The following ALS2 variants were observed in gnomAD, a reference collection of about 807,000 sequenced individuals.
The protein encoded by ALS2 is alsin.
ALS2 carries 117 observed loss-of-function variants against 203.4 expected under a neutral mutation model. That is an observed-to-expected ratio of 0.58 (90% CI 0.50 to 0.67). The LOEUF is 0.67. Among genes scored for constraint, ALS2 ranks in the 30% least tolerant of loss-of-function variants. The pLI, the probability that ALS2 is intolerant of heterozygous loss-of-function variation, is 0.00. For synonymous variants in ALS2, 718 were observed against 725.9 expected (o/e 0.99, Z 0.17); for missense variants, 1,715 against 1,989.4 (o/e 0.86, Z 2.62).
chr2:201,731,939 C>T (rs1051161339), intron 13 of ALS2, among the ~76,000 whole-genome samples: 1 of 152,062 alleles, frequency 6.6e-6, no homozygotes, highest in Non-Finnish European at 1.5e-5. Flanking sequence ...GGGAGTGTTT[C>T]AGGAAGGAAA....
Position 201,704,591 on chromosome 2 carries a change from G to C in ALS2, c.4701C>G (p.Thr1567=), listed in dbSNP as rs565284119. 1.9e-6 allele frequency: 3 copies of C among 1,614,008 alleles called. No homozygotes were observed. The highest frequency in any genetic ancestry group is 1.3e-5 in the African/African-American group (1 of 74,988). ...ECLQQISTTF[T]PSDKLKVIQQ... is the part of the protein sequence containing the mutation. ...GGATGACCTTAAGTTTGTCTGATGGGGTAAATGTTGTGCTGTTACAGAAAC... is the reference window on the plus strand; with the variant it reads ...GGATGACCTTAAGTTTGTCTGATGGCGTAAATGTTGTGCTGTTACAGAAAC... Residue 1567 remains threonine (T), a synonymous_variant, in exon 32 of 34, where the codon ACC becomes ACG. Coordinates refer to ENST00000264276, the MANE Select transcript of ALS2 (RefSeq NM_020919.4).
intron 1 of ALS2, among the ~76,000 whole-genome samples, chr2:201,771,133 G>A (rs1014751150): frequency 3.5e-5 from 5 of 142,224 alleles, no homozygotes; most frequent in South Asian, 4.5e-4. Context: ...TGCAACCTCC[G>A]CCTCCCAGGT....
intron 23 of ALS2, chr2:201,722,162 A>C (rs1466801419): frequency 6.6e-6 from 1 of 152,208 alleles, no homozygotes; most frequent in Non-Finnish European, 1.5e-5. Context: ...CAAGAGTACA[A>C]ACAAAATTTT....
chr2:201,761,403 A>G lies in ALS2; in HGVS notation c.591T>C (p.His197=). 1 of 1,610,822 alleles carries G rather than the reference A, an allele frequency of 6.2e-7. No homozygotes were observed. The highest frequency in any genetic ancestry group is 1.3e-5 in the African/African-American group (1 of 74,956). The change falls in exon 4 of 34, where the codon CAT becomes CAC. Residue 197 remains histidine, a synonymous_variant. Coordinates refer to ENST00000264276, the MANE Select transcript of ALS2 (RefSeq NM_020919.4). ...FPVTKPQKVE[H]LAGRVVLQVA... ...CTTGAAGCACCACTCGCCCAGCAAG[A>G]TGTTCTACCTTTTGCGGCTTTGTCA...
rs760216233 is a variant in ALS2 at position 201,754,641 on chromosome 2, C to A, written c.1502G>T (p.Arg501Leu). ...VSPRLLRKAARVKTRTVVLTP... is the reference protein window; with the variant it reads ...VSPRLLRKAALVKTRTVVLTP... Reference sequence around the variant, plus strand: ...CAGAACCACTGTCCTCGTTTTCACCCGTGCAGCCTTTCTTAAGAGCCTGGG... The same window carrying A: ...CAGAACCACTGTCCTCGTTTTCACCAGTGCAGCCTTTCTTAAGAGCCTGGG... Residue 501 changes from arginine (R) to leucine (L), a missense_variant, in exon 6 of 34, where the codon CGG becomes CTG. Coordinates refer to ENST00000264276, the MANE Select transcript of ALS2 (RefSeq NM_020919.4). The A allele has an allele frequency of 6.2e-7, 1 of 1,614,018 alleles. No homozygotes were observed. The highest frequency in any genetic ancestry group is 2.2e-5 in the East Asian group (1 of 44,884).
intron 10 of ALS2, among the ~76,000 whole-genome samples, chr2:201,742,903 C>G (rs915016994): frequency 6.6e-6 from 1 of 151,946 alleles, no homozygotes; most frequent in Non-Finnish European, 1.5e-5. Context: ...AAAACCCCGT[C>G]TCTATTAAAA....
chr2:201,705,551 T>G (rs1296216837), intron 29 of ALS2, 90 bp from the exon 30 acceptor site: 1 of 969,130 alleles, frequency 1.0e-6, no homozygotes, highest in Non-Finnish European at 1.6e-6. Flanking sequence ...ATTGGCTTCC[T>G]TGTCCCCATT....
At chr2:201,758,768 G>GTT (rs1693568818) in intron 4 of ALS2, among the ~76,000 whole-genome samples, 1 of 151,766 alleles carries the variant, frequency 6.6e-6, no homozygotes, top group Non-Finnish European at 1.5e-5. Context: ...GCATGTGTGT[G>GTT]TGTGTGTGTG....
intron 3 of ALS2, among the ~76,000 whole-genome samples, chr2:201,764,682 T>TAAAA (rs1553515895): frequency 5.6e-5 from 8 of 142,426 alleles, no homozygotes; most frequent in Non-Finnish European, 9.2e-5. Context: ...AATAAATAAA[T>TAAAA]AAAAGTGAAT....
chr2:201,767,631 G>A (rs748731152), intron 2 of ALS2, among the ~76,000 whole-genome samples: 4 of 151,876 alleles, frequency 2.6e-5, no homozygotes, highest in Non-Finnish European at 5.9e-5. Context: ...GGGAGGCCGA[G>A]GCAGGCAGAT....
intron 33 of ALS2, among the ~76,000 whole-genome samples, chr2:201,702,807 G>A (rs1418592728): frequency 2.0e-5 from 3 of 152,234 alleles, no homozygotes; most frequent in East Asian, 3.9e-4. Context: ...CCCCTTTTCA[G>A]TTTATTTAAT....
intron 8 of ALS2, among the ~76,000 whole-genome samples, chr2:201,748,985 A>G (rs1375593343): frequency 6.6e-6 from 1 of 152,158 alleles, no homozygotes; most frequent in Non-Finnish European, 1.5e-5. Flanking sequence ...TCAGAATCCA[A>G]CTACATATCT....
At chr2:201,758,657 T>C (rs1015012361) in intron 4 of ALS2, among the ~76,000 whole-genome samples, 2 of 152,156 alleles carry the variant, frequency 1.3e-5, no homozygotes, top group Non-Finnish European at 2.9e-5. Flanking sequence ...ATAGATCATA[T>C]TGAAAAATTT....
intron 26 of ALS2, 77 bp from the exon 27 acceptor site, chr2:201,710,115 C>A: frequency 6.7e-7 from 1 of 1,502,782 alleles, no homozygotes; most frequent in Non-Finnish European, 9.2e-7. Flanking sequence ...GAAACAACTT[C>A]ATAAATGACA....
intron 13 of ALS2, among the ~76,000 whole-genome samples, chr2:201,729,601 T>C (rs1691417666): frequency 6.6e-6 from 1 of 151,996 alleles, no homozygotes; most frequent in Non-Finnish European, 1.5e-5. Context: ...TTTTTAATGG[T>C]AGGGCGCGGT....
intron 7 of ALS2, among the ~76,000 whole-genome samples, chr2:201,751,896 T>G (rs1693088363): frequency 6.6e-6 from 1 of 152,154 alleles, no homozygotes; most frequent in African/African-American, 2.4e-5. Flanking sequence ...GATACTCAAG[T>G]CTTGTTTTCC....
intron 4 of ALS2, chr2:201,759,324 A>T: frequency 1.2e-6 from 1 of 861,114 alleles, no homozygotes; most frequent in Non-Finnish European, 1.4e-6. Context: ...TTCCCAAGTG[A>T]GAGAGTCTCA....
At chr2:201,739,752 A>AG (rs1692145537) in intron 11 of ALS2, among the ~76,000 whole-genome samples, 1 of 151,054 alleles carries the variant, frequency 6.6e-6, no homozygotes, top group Admixed American at 6.7e-5. Flanking sequence ...TCAAAAAAAA[A>AG]AAAAAGAAAA....
At chr2:201,710,495 T>C (rs1689972282) in intron 26 of ALS2, among the ~76,000 whole-genome samples, 1 of 151,302 alleles carries the variant, frequency 6.6e-6, no homozygotes. Flanking sequence ...TTCACAAAAA[T>C]GATAGAAAAT....
Sources: allele counts gnomAD v4.1 joint callset (sites outside exome capture counted in the v4.1 genomes callset), GRCh38; gene constraint gnomAD v4.1.1; transcripts MANE v1.5; gene names NCBI Gene and HGNC (gene_info 2026-07-23, HGNC 2026-07-21).